CALN1: variants seen among roughly 807,000 people sequenced by gnomAD.
The protein encoded by CALN1 is calcium-binding protein 8.
CALN1 carries 17 observed loss-of-function variants against 30.6 expected under a neutral mutation model. The ratio of observed to expected loss-of-function variants is 0.56; its 90% CI spans 0.38 to 0.83. The LOEUF is 0.83. Ranked by LOEUF, CALN1 falls within the 40% of genes least tolerant of loss-of-function variation. CALN1 has a pLI of 0.00. For missense variants in CALN1, 291 were observed against 354.9 expected, an observed-to-expected ratio of 0.82 and a Z score of 1.45; for synonymous variants, 156 against 131.4, an observed-to-expected ratio of 1.19 and a Z score of -1.28.
At chr7:72,360,667 A>ATAT (rs1803519773) in intron 2 of CALN1, among the ~76,000 whole-genome samples, 1 of 148,490 alleles carries the variant, frequency 6.7e-6, no homozygotes, top group African/African-American at 2.5e-5. Context: ...GATTTGTTAC[A>ATAT]TATGTATGTA....
intron 3 of CALN1, among the ~76,000 whole-genome samples, chr7:72,236,716 C>T (rs944666752): frequency 6.6e-6 from 1 of 152,168 alleles, no homozygotes; most frequent in African/African-American, 2.4e-5. Context: ...ACTGTGCTAA[C>T]TGTTGGGAGG....
chr7:71,958,842 C>A (rs1468627603), intron 5 of CALN1, among the ~76,000 whole-genome samples: 1 of 152,162 alleles, frequency 6.6e-6, no homozygotes, highest in African/African-American at 2.4e-5. Flanking sequence ...ATCACTGCTA[C>A]CTTAACAGAC....
intron 2 of CALN1, among the ~76,000 whole-genome samples, chr7:72,290,396 T>A (rs1798397280): frequency 6.6e-6 from 1 of 152,170 alleles, no homozygotes; most frequent in Non-Finnish European, 1.5e-5. Flanking sequence ...TAGGGGACCA[T>A]TCTCTAAATG....
intron 4 of CALN1, among the ~76,000 whole-genome samples, chr7:72,039,976 T>A (rs982998487): frequency 6.6e-6 from 1 of 152,146 alleles, no homozygotes; most frequent in Non-Finnish European, 1.5e-5. Context: ...CTTTAAACTT[T>A]TTGCAGGTGG....
rs2115838437 is a variant in CALN1 at position 71,788,361 on chromosome 7, T to C, written c.659-459A>G. 1.3e-5 allele frequency among the ~76,000 whole-genome samples: 2 copies of C among 152,322 alleles called. 1 individual carries two copies. The highest frequency in any genetic ancestry group is 6.8e-3 in the Middle Eastern group (2 of 294). Reference sequence around the variant, plus strand: ...TCAGCTGGGTGCAACTTACCTTTCCTGGACGTTTTCTTGGGTTTTGCTAAT... The same window carrying C: ...TCAGCTGGGTGCAACTTACCTTTCCCGGACGTTTTCTTGGGTTTTGCTAAT... On this transcript the variant is annotated intron_variant, in intron 6 of 6. Coordinates refer to ENST00000395275, the MANE Select transcript of CALN1 (RefSeq NM_031468.4).
At chr7:72,249,570 G>A (rs996328694) in intron 3 of CALN1, among the ~76,000 whole-genome samples, 30 of 130,274 alleles carry the variant, frequency 2.3e-4, no homozygotes, top group African/African-American at 7.4e-4. Context: ...GGGAGGCTGA[G>A]GCAGACAGAT....
intron 3 of CALN1, among the ~76,000 whole-genome samples, chr7:72,252,318 G>T (rs149164413): frequency 2.6e-5 from 4 of 152,294 alleles, no homozygotes; most frequent in Non-Finnish European, 5.9e-5. Context: ...TCCAGAATCT[G>T]TCCAGGCACA....
intron 5 of CALN1, among the ~76,000 whole-genome samples, chr7:71,861,982 T>C (rs1256794044): frequency 6.6e-6 from 1 of 152,144 alleles, no homozygotes; most frequent in African/African-American, 2.4e-5. Context: ...ATGGGAAGCT[T>C]CACCTTAAGG....
intron 5 of CALN1, among the ~76,000 whole-genome samples, chr7:71,827,214 A>G (rs2116375465): frequency 1.3e-5 from 2 of 152,282 alleles, no homozygotes; most frequent in East Asian, 3.9e-4. Context: ...AGCTAAGCCC[A>G]TTGGTGGGTC....
intron 3 of CALN1, among the ~76,000 whole-genome samples, chr7:72,267,961 C>T (rs1047746302): frequency 1.3e-5 from 2 of 152,148 alleles, no homozygotes; most frequent in Admixed American, 1.3e-4. Flanking sequence ...GAGCTATGAT[C>T]GTGCCACTGC....
At chr7:72,377,415 G>C (rs1470886766) in intron 2 of CALN1, among the ~76,000 whole-genome samples, 1 of 149,274 alleles carries the variant, frequency 6.7e-6, no homozygotes, top group Non-Finnish European at 1.5e-5. Context: ...TTTACTCTTT[G>C]GGTAATATGG....
intron 5 of CALN1, among the ~76,000 whole-genome samples, chr7:71,912,611 C>T (rs1794481918): frequency 1.3e-5 from 2 of 152,286 alleles, no homozygotes; most frequent in Non-Finnish European, 2.9e-5. Flanking sequence ...AGGTAGGACT[C>T]ACCCAGTAGA....
At chr7:72,124,817 A>G (rs1358916101) in intron 3 of CALN1, among the ~76,000 whole-genome samples, 1 of 152,136 alleles carries the variant, frequency 6.6e-6, no homozygotes, top group East Asian at 1.9e-4. Flanking sequence ...GCAAGGAAAT[A>G]GTCTTTGATA....
At chr7:72,073,073 G>A (rs900571814) in intron 4 of CALN1, among the ~76,000 whole-genome samples, 17 of 152,096 alleles carry the variant, frequency 1.1e-4, no homozygotes, top group Non-Finnish European at 2.9e-5. Context: ...ATCTAAAAAA[G>A]GAAGGAAATT....
intron 2 of CALN1, among the ~76,000 whole-genome samples, chr7:72,386,822 G>C (rs766806714): frequency 6.6e-6 from 1 of 152,160 alleles, no homozygotes; most frequent in Non-Finnish European, 1.5e-5. Context: ...ATAAATTTAA[G>C]GGGTCTTGTC....
chr7:71,974,465 A>C lies in CALN1; in HGVS notation c.501+49192T>G, dbSNP rs557266763. Among the ~76,000 whole-genome samples the C allele has an allele frequency of 2.6e-5, 4 of 151,434 alleles. No individual in the cohort carries two copies. In the South Asian group the frequency reaches 8.3e-4, roughly 32 times the overall value. ...AAAGGAAAAAGAAAAAGAAAAAAAA[A>C]CCCCACACAGCTTATATTGCTATCT... On this transcript the variant is annotated intron_variant, in intron 5 of 6. Coordinates refer to ENST00000395275, the MANE Select transcript of CALN1 (RefSeq NM_031468.4).
intron 4 of CALN1, among the ~76,000 whole-genome samples, chr7:72,100,748 A>C (rs987772304): frequency 7.4e-6 from 1 of 135,494 alleles, no homozygotes; most frequent in Non-Finnish European, 1.5e-5. Flanking sequence ...TGAACCTGGG[A>C]GGCGGAGCTT....
chr7:71,931,590 C>T (rs1436453077), intron 5 of CALN1, among the ~76,000 whole-genome samples: 1 of 152,182 alleles, frequency 6.6e-6, no homozygotes, highest in Non-Finnish European at 1.5e-5. Flanking sequence ...TTCTTGGGCC[C>T]TACGAAAACA....
chr7:72,053,344 G>A (rs532659396), intron 4 of CALN1, among the ~76,000 whole-genome samples: 6 of 152,336 alleles, frequency 3.9e-5, no homozygotes, highest in South Asian at 4.1e-4. Flanking sequence ...TAGACACTCT[G>A]AAATTACCGG....
Sources: gnomAD v4.1 joint callset for allele counts (sites outside exome capture counted in the v4.1 genomes callset) on GRCh38, gnomAD v4.1.1 for gene constraint, MANE v1.5 for transcripts, NCBI Gene and HGNC (gene_info 2026-07-23, HGNC 2026-07-21) for gene names.